CERS6: variants seen among roughly 807,000 people sequenced by gnomAD.
The protein encoded by CERS6 is LAG1 homolog, ceramide synthase 6.
A neutral mutation model predicts 56.8 loss-of-function variants in CERS6; 26 were observed. The observed-to-expected ratio is 0.46, with a 90% CI of 0.34 to 0.63. CERS6 has a LOEUF of 0.63. Among genes scored for constraint, CERS6 ranks in the 30% least tolerant of loss-of-function variants. CERS6 has a pLI of 0.01. For missense variants in CERS6, 415 were observed against 467.5 expected, an observed-to-expected ratio of 0.89 and a Z score of 1.04; for synonymous variants, 164 against 173.3, an observed-to-expected ratio of 0.95 and a Z score of 0.42.
chr2:168,713,174 C>T (rs751627332), intron 6 of CERS6, among the ~76,000 whole-genome samples: 3 of 152,066 alleles, frequency 2.0e-5, no homozygotes, highest in Non-Finnish European at 4.4e-5. Context: ...AATAAATGAC[C>T]ATATGAATAT....
At chr2:168,518,248 C>T (rs1694918066) in intron 1 of CERS6, among the ~76,000 whole-genome samples, 1 of 152,114 alleles carries the variant, frequency 6.6e-6, no homozygotes, top group Admixed American at 6.5e-5. Flanking sequence ...GTTGTTTGGA[C>T]TTGCAATTCT....
At chr2:168,581,228 A>G (rs1450031910) in intron 3 of CERS6, among the ~76,000 whole-genome samples, 2 of 152,166 alleles carry the variant, frequency 1.3e-5, no homozygotes, top group Non-Finnish European at 2.9e-5. Flanking sequence ...CATGTTGGTC[A>G]TGCTGGTCTT....
intron 8 of CERS6, among the ~76,000 whole-genome samples, chr2:168,750,428 TTGTTTGATA>T (rs1411162979): frequency 6.6e-6 from 1 of 152,208 alleles, no homozygotes; most frequent in Non-Finnish European, 1.5e-5. Flanking sequence ...CCACTGTTGA[TTGTTTGATA>T]TCTTTGTTTC....
chr2:168,620,951 T>TG (rs1190759232), intron 3 of CERS6, among the ~76,000 whole-genome samples: 1 of 151,954 alleles, frequency 6.6e-6, no homozygotes, highest in Non-Finnish European at 1.5e-5. Flanking sequence ...TTTGCAGAGA[T>TG]GGGGTCTCAG....
At chr2:168,590,410 C>CGTAT (rs1453197928) in intron 3 of CERS6, among the ~76,000 whole-genome samples, 3 of 152,034 alleles carry the variant, frequency 2.0e-5, no homozygotes, top group Non-Finnish European at 2.9e-5. Flanking sequence ...CTTATATACA[C>CGTAT]GTATGTATGT....
At chr2:168,639,542 A>G (rs1332569468) in intron 4 of CERS6, among the ~76,000 whole-genome samples, 2 of 152,206 alleles carry the variant, frequency 1.3e-5, no homozygotes, top group African/African-American at 2.4e-5. Flanking sequence ...ATCAACAACA[A>G]TAATGAAACA....
In CERS6 at chr2:168,650,735, G is replaced by T. The variant is rs923877499; in HGVS notation, c.465+19693G>T. Among the ~76,000 whole-genome samples the T allele has an allele frequency of 1.1e-4, 16 of 151,838 alleles. 2 individuals are homozygous for T. The highest frequency in any genetic ancestry group is 5.2e-4 in the Admixed American group (8 of 15,244). ...GATCTGCGCTGGTGGCAGCTACATGGTGCATTCATATACCCCTTCAATTAT... is the reference window on the plus strand; with the variant it reads ...GATCTGCGCTGGTGGCAGCTACATGTTGCATTCATATACCCCTTCAATTAT... On this transcript the variant is annotated intron_variant, in intron 4 of 9. Transcript: ENST00000305747.
chr2:168,479,738 A>G (rs1694144188), intron 1 of CERS6, among the ~76,000 whole-genome samples: 4 of 152,090 alleles, frequency 2.6e-5, no homozygotes, highest in Admixed American at 2.6e-4. Context: ...CCTCCTGAGT[A>G]GCTGGGATTA....
At chr2:168,641,908 C>T (rs1235859606) in intron 4 of CERS6, among the ~76,000 whole-genome samples, 2 of 147,942 alleles carry the variant, frequency 1.4e-5, no homozygotes, top group African/African-American at 4.9e-5. Flanking sequence ...AAAAAAAAAG[C>T]CACTTTGCTA....
At chr2:168,587,381 G>A (rs1683569436) in intron 3 of CERS6, among the ~76,000 whole-genome samples, 1 of 152,148 alleles carries the variant, frequency 6.6e-6, no homozygotes, top group South Asian at 2.1e-4. Context: ...ACTGAACAGG[G>A]TAGCATACCA....
At chr2:168,471,403 A>G (rs565459222) in intron 1 of CERS6, among the ~76,000 whole-genome samples, 80 of 152,354 alleles carry the variant, frequency 5.3e-4, no homozygotes, top group Non-Finnish European at 9.8e-4. Context: ...TATTTATTAC[A>G]TACTACTTTT....
intron 3 of CERS6, among the ~76,000 whole-genome samples, chr2:168,570,714 C>G (rs1446260407): frequency 1.4e-5 from 2 of 146,644 alleles, no homozygotes; most frequent in African/African-American, 4.9e-5. Flanking sequence ...TCGAATCTAC[C>G]TGGTTCATGG....
chr2:168,497,756 T>A (rs1360021688), intron 1 of CERS6, among the ~76,000 whole-genome samples: 1 of 152,138 alleles, frequency 6.6e-6, no homozygotes, highest in East Asian at 1.9e-4. Context: ...CTGAGTGACA[T>A]GGGATGCCGT....
At chr2:168,579,552 C>T (rs1270583039) in intron 3 of CERS6, among the ~76,000 whole-genome samples, 3 of 152,102 alleles carry the variant, frequency 2.0e-5, no homozygotes, top group Non-Finnish European at 2.9e-5. Context: ...ACCTCCACAC[C>T]CCCTTTTCTT....
chr2:168,752,920 G>C (rs1231481496), intron 8 of CERS6, among the ~76,000 whole-genome samples: 1 of 152,096 alleles, frequency 6.6e-6, no homozygotes, highest in Admixed American at 6.5e-5. Context: ...CTCGTTGTTA[G>C]GTTAAAAATC....
chr2:168,572,416 A>C lies in CERS6; in HGVS notation c.407+11094A>C, dbSNP rs187191053. Among the ~76,000 whole-genome samples, 752 of 152,184 alleles carry C rather than the reference A, an allele frequency of 4.9e-3. 3 individuals carry two copies. Among genetic ancestry groups the C allele is most frequent in the Non-Finnish European group, 7.7e-3 (525 of 67,998 alleles). On this transcript the variant is annotated intron_variant, in intron 3 of 9. Coordinates refer to ENST00000305747, the MANE Select transcript of CERS6 (RefSeq NM_203463.3). ...TCTCACCCACAAATAAAGAGAAGTAAAGAGAGGTGGAATACCTGACCCAAC... is the reference window on the plus strand; with the variant it reads ...TCTCACCCACAAATAAAGAGAAGTACAGAGAGGTGGAATACCTGACCCAAC...
intron 4 of CERS6, among the ~76,000 whole-genome samples, chr2:168,664,684 G>T (rs1363279719): frequency 3.3e-5 from 5 of 152,180 alleles, no homozygotes; most frequent in Admixed American, 6.5e-5. Context: ...GCTGGTGGGA[G>T]TGTAGCAGTG....
intron 4 of CERS6, among the ~76,000 whole-genome samples, chr2:168,645,177 A>AGAGAGAGAGAGAGAGAGT (rs1685163976): frequency 1.6e-5 from 2 of 128,238 alleles, no homozygotes; most frequent in African/African-American, 6.0e-5. Context: ...AGAGAGAGAG[A>AGAGAGAGAGAGAGAGAGT]GAGAGAGAGA....
At chr2:168,656,669 C>G (rs952854670) in intron 4 of CERS6, among the ~76,000 whole-genome samples, 2 of 152,010 alleles carry the variant, frequency 1.3e-5, no homozygotes, top group African/African-American at 4.8e-5. Context: ...CAGCGTGGAC[C>G]CAAAGAGTGA....
Sources: allele counts gnomAD v4.1 joint callset (sites outside exome capture counted in the v4.1 genomes callset), GRCh38; gene constraint gnomAD v4.1.1; transcripts MANE v1.5; gene names NCBI Gene and HGNC (gene_info 2026-07-23, HGNC 2026-07-21).